Variants in DNAJC1 observed in about 807,000 individuals in gnomAD.
DNAJC1 encodes the protein DnaJ heat shock protein family (Hsp40) member C1.
DNAJC1 carries 58 observed loss-of-function variants against 76.6 expected under a neutral mutation model. That is an observed-to-expected ratio of 0.76 (90% CI 0.61 to 0.94). The LOEUF is 0.94. Among genes scored for constraint, DNAJC1 ranks in the 40% least tolerant of loss-of-function variants. The pLI is 0.00. For synonymous variants in DNAJC1, 258 were observed against 267.9 expected, an observed-to-expected ratio of 0.96 and a Z score of 0.36; for missense variants, 689 against 677.3, an observed-to-expected ratio of 1.02 and a Z score of -0.19.
intron 7 of DNAJC1, among the ~76,000 whole-genome samples, chr10:21,895,535 G>A (rs894911189): frequency 2.0e-5 from 3 of 152,144 alleles, no homozygotes; most frequent in African/African-American, 7.2e-5. Context: ...TAAAATGCAA[G>A]AAGAGAGAAA....
chr10:21,775,435 G>A (rs1834442143), intron 9 of DNAJC1, among the ~76,000 whole-genome samples: 1 of 149,766 alleles, frequency 6.7e-6, no homozygotes, highest in South Asian at 2.1e-4. Context: ...TTTTGTTTGT[G>A]GGCAGGTTTG....
At chr10:21,788,604 T>C (rs1335312245) in intron 9 of DNAJC1, among the ~76,000 whole-genome samples, 2 of 152,134 alleles carry the variant, frequency 1.3e-5, no homozygotes, top group African/African-American at 4.8e-5. Context: ...ACGACAGCCA[T>C]GTTCGGCCAT....
intron 9 of DNAJC1, among the ~76,000 whole-genome samples, chr10:21,771,525 G>A (rs1437688917): frequency 6.6e-6 from 1 of 151,976 alleles, no homozygotes; most frequent in Non-Finnish European, 1.5e-5. Flanking sequence ...TTGAGACGCA[G>A]TCTCGCTCTG....
chr10:21,928,964 A>G, intron 2 of DNAJC1, 76 bp downstream of exon 2: 5 of 893,190 alleles, frequency 5.6e-6, no homozygotes, highest in African/African-American at 1.7e-5. Context: ...TATTCCATAT[A>G]TAAGTGAATA....
intron 1 of DNAJC1, among the ~76,000 whole-genome samples, chr10:21,974,100 C>CAAA (rs576578440): frequency 2.7e-5 from 2 of 74,358 alleles, no homozygotes; most frequent in Non-Finnish European, 2.8e-5. Context: ...AGACCCGTCT[C>CAAA]AAAAAAAAAA....
At chr10:21,859,412 A>G (rs1020654934) in intron 8 of DNAJC1, among the ~76,000 whole-genome samples, 2 of 152,234 alleles carry the variant, frequency 1.3e-5, no homozygotes, top group African/African-American at 4.8e-5. Flanking sequence ...GAGCCACTCC[A>G]TGAGCACACA....
At chr10:21,922,981 C>T (rs555487695) in intron 3 of DNAJC1, among the ~76,000 whole-genome samples, 31 of 151,940 alleles carry the variant, frequency 2.0e-4, no homozygotes, top group Non-Finnish European at 4.0e-4. Context: ...AACAGCTGAA[C>T]TCATAGCTAA....
chr10:21,928,530 A>G lies in DNAJC1; in HGVS notation c.347T>C (p.Leu116Ser). The change falls in exon 3 of 12, where the codon TTA becomes TCA. Residue 116 changes from leucine (L) to serine (S), a missense_variant. Leu to Ser is a moderately radical substitution (Grantham distance 145, BLOSUM62 -2). Transcript: ENST00000376980. ...CCTCTGCCTTCGTTCATCATCCTTT[A>G]AAACTTCATAAATGGCCACCAACTA... ...FRQLVAIYEV[L>S]KDDERRQRYD... 6.2e-7 allele frequency: 1 copy of G among 1,613,168 alleles called. No homozygotes were observed. Among genetic ancestry groups the G allele is most frequent in the Non-Finnish European group, 8.5e-7 (1 of 1,179,332 alleles).
chr10:21,842,536 T>C, intron 8 of DNAJC1, among the ~76,000 whole-genome samples: 1 of 152,366 alleles, frequency 6.6e-6, no homozygotes, highest in East Asian at 1.9e-4. Context: ...AGTTCAGTTT[T>C]ACCTATGTTG....
In DNAJC1 at chr10:21,870,691, C is replaced by T. The variant is rs534061918; in HGVS notation, c.978+11591G>A. Among the ~76,000 whole-genome samples, 16 of 152,208 alleles carry T rather than the reference C, an allele frequency of 1.1e-4. No homozygotes were observed. The East Asian group carries it at 2.7e-3, about 26-fold the overall frequency. On this transcript the variant is annotated intron_variant, in intron 8 of 11. Coordinates refer to ENST00000376980, the MANE Select transcript of DNAJC1 (RefSeq NM_022365.4). The stretch of plus-strand genomic sequence containing the variant: ...TTGGGAGGCTGAGGTGGGAGGATTG[C>T]TTGAGCCTGGGAGTTCAAGGCTGCA...
intron 8 of DNAJC1, among the ~76,000 whole-genome samples, chr10:21,823,642 G>A (rs1414943956): frequency 6.6e-6 from 1 of 151,706 alleles, no homozygotes; most frequent in Non-Finnish European, 1.5e-5. Flanking sequence ...ATAAACCAAG[G>A]GTGTCCAATC....
intron 1 of DNAJC1, among the ~76,000 whole-genome samples, chr10:21,940,715 A>C (rs1338330102): frequency 1.3e-5 from 2 of 152,152 alleles, no homozygotes; most frequent in African/African-American, 4.8e-5. Flanking sequence ...AATATAGATA[A>C]ACAAAAGACT....
chr10:21,870,049 A>G (rs1277556393), intron 8 of DNAJC1, among the ~76,000 whole-genome samples: 1 of 152,064 alleles, frequency 6.6e-6, no homozygotes, highest in Non-Finnish European at 1.5e-5. Context: ...AAAAGCAAAA[A>G]TCCTAAAAAG....
At chr10:21,757,635 C>A (rs185614930) in intron 11 of DNAJC1, among the ~76,000 whole-genome samples, 1 of 152,276 alleles carries the variant, frequency 6.6e-6, no homozygotes, top group African/African-American at 2.4e-5. Flanking sequence ...ATCAGTCTTT[C>A]CTTAGTAGCT....
At chr10:21,850,533 C>CT (rs1041190429) in intron 8 of DNAJC1, among the ~76,000 whole-genome samples, 4,424 of 136,430 alleles carry the variant, frequency 0.032, 103 homozygotes, top group Middle Eastern at 0.078. Context: ...ATTTTCTTTT[C>CT]TTTTTTTTTT....
chr10:21,785,010 C>G lies in DNAJC1; in HGVS notation c.1099-18701G>C, dbSNP rs372018842. Among the ~76,000 whole-genome samples the G allele has an allele frequency of 2.0e-5, 3 of 152,014 alleles. No individual in the cohort carries two copies. The East Asian group carries it at 5.8e-4, about 29-fold the overall frequency. ...GCACATGGACACATATGTAACAAAC[C>G]TGCATGTTGTGCACATGTACCCTAG... On this transcript the variant is annotated intron_variant, in intron 9 of 11. Coordinates refer to ENST00000376980, the MANE Select transcript of DNAJC1 (RefSeq NM_022365.4).
intron 8 of DNAJC1, among the ~76,000 whole-genome samples, chr10:21,808,193 G>T (rs1301602295): frequency 6.6e-6 from 1 of 151,856 alleles, no homozygotes; most frequent in Non-Finnish European, 1.5e-5. Context: ...TAACATTTTT[G>T]GAGCAAAAAA....
chr10:21,846,102 A>T (rs568776266), intron 8 of DNAJC1, among the ~76,000 whole-genome samples: 2 of 152,162 alleles, frequency 1.3e-5, no homozygotes, highest in Non-Finnish European at 2.9e-5. Flanking sequence ...GGTCAAATAA[A>T]CCTCCTCATG....
Position 21,952,702 on chromosome 10 carries a change from T to C in DNAJC1, c.223-23561A>G, listed in dbSNP as rs904541861. Among the ~76,000 whole-genome samples, 4 of 152,166 alleles carry C rather than the reference T, an allele frequency of 2.6e-5. No individual in the cohort carries two copies. The South Asian group carries it at 6.2e-4, about 24-fold the overall frequency. The stretch of plus-strand genomic sequence containing the variant: ...TGAAACTGGGAGGCAGAGCTTGCAG[T>C]GAGCTGAGATTGCGCCACTGCACTT... On this transcript the variant is annotated intron_variant, in intron 1 of 11. Coordinates refer to ENST00000376980, the MANE Select transcript of DNAJC1 (RefSeq NM_022365.4).
Sources: allele counts gnomAD v4.1 joint callset (sites outside exome capture counted in the v4.1 genomes callset), GRCh38; gene constraint gnomAD v4.1.1; transcripts MANE v1.5; gene names NCBI Gene and HGNC (gene_info 2026-07-23, HGNC 2026-07-21).